MAPRE2: variants seen among roughly 807,000 people sequenced by gnomAD.
MAPRE2 encodes microtubule associated protein RP/EB family member 2.
Under a neutral mutation model 43.2 loss-of-function variants are expected in MAPRE2, and 13 were observed. That is an observed-to-expected ratio of 0.30 (90% CI 0.20 to 0.48). MAPRE2 has a LOEUF of 0.48. Among genes scored for constraint, MAPRE2 ranks in the 20% least tolerant of loss-of-function variants. MAPRE2 has a pLI of 0.99. For synonymous variants in MAPRE2, 135 were observed against 148.8 expected (o/e 0.91, Z 0.68); for missense variants, 161 against 400.2 (o/e 0.40, Z 5.10).
At chr18:34,992,544 C>G (rs984771843) in intron 1 of MAPRE2, among the ~76,000 whole-genome samples, 2 of 152,212 alleles carry the variant, frequency 1.3e-5, no homozygotes, top group Non-Finnish European at 2.9e-5. Context: ...CCCATCCACT[C>G]TCCACAAAAT....
In MAPRE2 at chr18:35,140,575, C is replaced by T. The variant is rs1048067836; in HGVS notation, c.*206C>T. ...TAGCGGACGGCCCTCTGGCCACCTA[C>T]CCGAGAGATCGTAGGGTCACATACA... On this transcript the variant is annotated 3_prime_UTR_variant, in exon 7 of 7. Transcript: ENST00000300249. The T allele has an allele frequency of 1.8e-5, 10 of 556,770 alleles. No homozygotes were observed. Among genetic ancestry groups the T allele is most frequent in the Non-Finnish European group, 2.9e-5 (9 of 311,332 alleles). The allele number at this position is 556,770 out of a possible 1,614,324, so 34.5% of individuals were successfully genotyped here. A position where few individuals can be genotyped will look rare whatever the true frequency, so the allele number is the denominator to read the frequency against.
intron 2 of MAPRE2, among the ~76,000 whole-genome samples, chr18:35,077,040 T>A (rs1907391028): frequency 6.6e-6 from 1 of 152,138 alleles, no homozygotes; most frequent in African/African-American, 2.4e-5. Flanking sequence ...GAAAAATAGA[T>A]CACCTGGAAT....
At chr18:35,065,913 A>C in intron 1 of MAPRE2, among the ~76,000 whole-genome samples, 1 of 152,208 alleles carries the variant, frequency 6.6e-6, no homozygotes, top group South Asian at 2.1e-4. Context: ...TGAAAGCCAC[A>C]AAGTGGGAGA....
chr18:35,117,076 A>G lies in MAPRE2; in HGVS notation c.611-9872A>G, dbSNP rs553212319. Among the ~76,000 whole-genome samples the G allele has an allele frequency of 3.3e-5, 5 of 152,376 alleles. No individual in the cohort carries two copies. The East Asian group carries it at 9.6e-4, about 29-fold the overall frequency. On this transcript the variant is annotated intron_variant, in intron 4 of 6. Coordinates refer to ENST00000300249, the MANE Select transcript of MAPRE2 (RefSeq NM_014268.4). ...AGACAGTGGCCTTAATGAAGGTAGT[A>G]GCCATGCGGGTGATGGAGACCGTAA...
intron 1 of MAPRE2, among the ~76,000 whole-genome samples, chr18:34,987,321 C>CT (rs2097021531): frequency 1.3e-5 from 2 of 152,176 alleles, no homozygotes; most frequent in Admixed American, 1.3e-4. Flanking sequence ...GATGAGGCAT[C>CT]AGCATCACCT....
At chr18:35,051,220 G>A (rs535593218) in intron 1 of MAPRE2, among the ~76,000 whole-genome samples, 19 of 152,088 alleles carry the variant, frequency 1.2e-4, no homozygotes, top group Non-Finnish European at 1.0e-4. Flanking sequence ...CCTTCCCTTC[G>A]ACACTTGTTC....
rs1394147247 is a variant in MAPRE2, at chr18:35,052,956, G to A, written c.122+11295G>A. Among the ~76,000 whole-genome samples, 5 of 151,662 alleles carry A rather than the reference G, an allele frequency of 3.3e-5. No homozygotes were observed. In the South Asian group the frequency reaches 6.2e-4, roughly 19 times the overall value. On this transcript the variant is annotated intron_variant, in intron 1 of 6. Coordinates refer to ENST00000300249, the MANE Select transcript of MAPRE2 (RefSeq NM_014268.4). ...TTGCATAATAATATAGTCTTGAATT[G>A]TATTTTAATATGTACAGGTCTTATA...
At chr18:35,068,925 C>A (rs1395217572) in intron 1 of MAPRE2, among the ~76,000 whole-genome samples, 1 of 152,140 alleles carries the variant, frequency 6.6e-6, no homozygotes, top group East Asian at 1.9e-4. Context: ...GTTTCTTCTT[C>A]AGGCAGTAAT....
At position 35,041,431 on chromosome 18, in the gene MAPRE2, C is replaced by G; in HGVS notation, c.-109C>G. 3.2e-6 allele frequency: 5 copies of G among 1,574,830 alleles called. No homozygotes were observed. Among genetic ancestry groups the G allele is most frequent in the Non-Finnish European group, 4.3e-6 (5 of 1,160,400 alleles). ...GAGCTGGGAGAAGGCAGTGAGCGAGCAGGCGGCAGGCACGGTCCGTGCGGA... is the reference window on the plus strand; with the variant it reads ...GAGCTGGGAGAAGGCAGTGAGCGAGGAGGCGGCAGGCACGGTCCGTGCGGA... On this transcript the variant is annotated 5_prime_UTR_variant, in exon 1 of 7. Transcript: ENST00000300249.
At chr18:35,045,886 T>C (rs908033346) in intron 1 of MAPRE2, among the ~76,000 whole-genome samples, 1 of 152,236 alleles carries the variant, frequency 6.6e-6, no homozygotes, top group African/African-American at 2.4e-5. Context: ...TACTTGATGC[T>C]TTAGTACATG....
intron 2 of MAPRE2, among the ~76,000 whole-genome samples, chr18:35,026,578 T>A (rs1262049247): frequency 6.6e-6 from 1 of 152,164 alleles, no homozygotes; most frequent in African/African-American, 2.4e-5. Context: ...AGGCCTGTTC[T>A]TTTCTGTTGA....
At chr18:35,068,412 G>T (rs900051107) in intron 1 of MAPRE2, among the ~76,000 whole-genome samples, 3 of 152,162 alleles carry the variant, frequency 2.0e-5, no homozygotes, top group Non-Finnish European at 2.9e-5. Context: ...TGTGTCAAAA[G>T]AACTTAGAGG....
intron 2 of MAPRE2, among the ~76,000 whole-genome samples, chr18:35,071,150 T>C (rs1435253207): frequency 6.6e-6 from 1 of 152,212 alleles, no homozygotes; most frequent in Non-Finnish European, 1.5e-5. Context: ...GCAAGGAATA[T>C]ATATTGAGTT....
chr18:35,050,702 G>A (rs1905895138), intron 1 of MAPRE2, among the ~76,000 whole-genome samples: 1 of 151,994 alleles, frequency 6.6e-6, no homozygotes, highest in Admixed American at 6.5e-5. Context: ...CAATTTTTTG[G>A]CCACTCTGAG....
At chr18:35,059,981 C>T (rs1307761062) in intron 1 of MAPRE2, among the ~76,000 whole-genome samples, 1 of 152,144 alleles carries the variant, frequency 6.6e-6, no homozygotes, top group African/African-American at 2.4e-5. Flanking sequence ...AATGTGTGCA[C>T]CACAGGACTT....
chr18:34,981,871 T>A (rs1203042112), intron 1 of MAPRE2, among the ~76,000 whole-genome samples: 2 of 39,730 alleles, frequency 5.0e-5, no homozygotes, highest in Non-Finnish European at 1.5e-4. Flanking sequence ...TTTATTTTTT[T>A]TTTTTATTTT....
At chr18:35,034,721 C>T (rs1009450144) in intron 2 of MAPRE2, among the ~76,000 whole-genome samples, 12 of 152,172 alleles carry the variant, frequency 7.9e-5, no homozygotes, top group Non-Finnish European at 1.5e-4. Context: ...AGACACTTCT[C>T]AAAAGAAGAC....
chr18:35,052,587 G>A (rs1476558940), intron 1 of MAPRE2, among the ~76,000 whole-genome samples: 1 of 152,202 alleles, frequency 6.6e-6, no homozygotes, highest in East Asian at 1.9e-4. Context: ...TAGGAGTGGA[G>A]TGATTGGGTC....
chr18:35,089,087 G>A (rs1211631370), intron 2 of MAPRE2, among the ~76,000 whole-genome samples: 1 of 152,172 alleles, frequency 6.6e-6, no homozygotes, highest in African/African-American at 2.4e-5. Context: ...ACATATGCAG[G>A]AAGAATTTTG....
Sources: allele counts gnomAD v4.1 joint callset (sites outside exome capture counted in the v4.1 genomes callset), GRCh38; gene constraint gnomAD v4.1.1; transcripts MANE v1.5; gene names NCBI Gene and HGNC (gene_info 2026-07-23, HGNC 2026-07-21).